Variants in PKP2 observed in about 807,000 individuals in gnomAD.
PKP2 encodes the protein plakophilin-2.
In PKP2, 73 loss-of-function variants were observed where a neutral mutation model predicts 83.4. That is an observed-to-expected ratio of 0.88 (90% confidence interval 0.72 to 1.06). The LOEUF is 1.06. Among genes scored for constraint, PKP2 ranks in the 50% least tolerant of loss-of-function variants. The probability of loss-of-function intolerance (pLI) is 0.00; values close to 1 mark genes in which losing one functional copy is unlikely to be tolerated. For synonymous variants in PKP2, 409 were observed against 430.4 expected, an observed-to-expected ratio of 0.95 and a Z score of 0.62; for missense variants, 966 against 1,065.4, an observed-to-expected ratio of 0.91 and a Z score of 1.30.
intron 6 of PKP2, among the ~76,000 whole-genome samples, chr12:32,838,096 C>T (rs1674964897): frequency 6.6e-6 from 1 of 152,138 alleles, no homozygotes; most frequent in Non-Finnish European, 1.5e-5. Context: ...CAATAGGGGA[C>T]TGGATAAGGA....
Position 32,879,040 on chromosome 12 carries a change from C to A in PKP2, c.224-8G>T, listed in dbSNP as rs1486692885. 6 of 1,373,356 alleles carry A rather than the reference C, an allele frequency of 4.4e-6. No individual in the cohort carries two copies. In the African/African-American group the frequency reaches 8.6e-5, roughly 20 times the overall value. 85.1% of individuals were successfully genotyped at this position (1,373,356 alleles called of 1,614,324 possible). On this transcript the variant is annotated splice_polypyrimidine_tract_variant and splice_region_variant and intron_variant, in intron 1 of 12. Coordinates refer to ENST00000340811, the MANE Select transcript of PKP2 (RefSeq NM_001005242.3). ...TGGTTCGGTGAAGATTTCCTGCAAT[C>A]AAGCAAATATTAAAATAACTCAGAA...
intron 3 of PKP2, among the ~76,000 whole-genome samples, chr12:32,873,771 C>A (rs960684391): frequency 6.6e-6 from 1 of 152,146 alleles, no homozygotes; most frequent in Non-Finnish European, 1.5e-5. Context: ...CTCAAGTGAT[C>A]CGCCCACCTC....
At chr12:32,890,090 A>AG (rs1285001068) in intron 1 of PKP2, among the ~76,000 whole-genome samples, 13 of 151,170 alleles carry the variant, frequency 8.6e-5, no homozygotes, top group Admixed American at 6.6e-5. Flanking sequence ...AAAAAAAAAA[A>AG]AAAAAAAGAA....
intron 6 of PKP2, among the ~76,000 whole-genome samples, chr12:32,836,132 T>C (rs1339337551): frequency 6.6e-6 from 1 of 152,230 alleles, no homozygotes; most frequent in East Asian, 1.9e-4. Flanking sequence ...GCTAGTGTAG[T>C]ATTACTTAAG....
At chr12:32,842,451 A>G (rs1342069694) in intron 5 of PKP2, among the ~76,000 whole-genome samples, 1 of 151,980 alleles carries the variant, frequency 6.6e-6, no homozygotes, top group African/African-American at 2.4e-5. Flanking sequence ...CATGTTGGCC[A>G]GGCTGGTCTC....
chr12:32,850,042 AG>A (rs1447778419), intron 5 of PKP2, among the ~76,000 whole-genome samples: 1 of 152,246 alleles, frequency 6.6e-6, no homozygotes. Context: ...TTCTTTAGAA[AG>A]AAAGAAACCA....
At chr12:32,881,978 G>A (rs1284647490) in intron 1 of PKP2, among the ~76,000 whole-genome samples, 2 of 152,194 alleles carry the variant, frequency 1.3e-5, no homozygotes, top group Non-Finnish European at 2.9e-5. Flanking sequence ...TAATCCTGAA[G>A]AGTCCGGGGG....
chr12:32,797,815 C>T (rs1258490171), intron 10 of PKP2, among the ~76,000 whole-genome samples: 2 of 151,756 alleles, frequency 1.3e-5, no homozygotes, highest in Non-Finnish European at 2.9e-5. Context: ...CTGGGCCTCC[C>T]AAAGTGCTGG....
At chr12:32,795,950 A>C (rs542942946) in intron 11 of PKP2, among the ~76,000 whole-genome samples, 159 bp downstream of exon 11, 15 of 152,268 alleles carry the variant, frequency 9.9e-5, no homozygotes, top group Non-Finnish European at 1.8e-4. Context: ...TCCTTGGCTG[A>C]TCACTGAGGG....
At chr12:32,840,865 G>T (rs551276500) in intron 6 of PKP2, among the ~76,000 whole-genome samples, 163 bp downstream of exon 6, 1 of 152,184 alleles carries the variant, frequency 6.6e-6, no homozygotes, top group East Asian at 1.9e-4. Flanking sequence ...GCAACAGAGC[G>T]AGACTCTGTT....
intron 5 of PKP2, among the ~76,000 whole-genome samples, chr12:32,848,467 T>C (rs1254100956): frequency 1.3e-5 from 2 of 152,190 alleles, no homozygotes; most frequent in African/African-American, 4.8e-5. Context: ...GTACCTCACA[T>C]AGTTTTATAA....
chr12:32,813,735 T>A (rs149409979), intron 9 of PKP2, among the ~76,000 whole-genome samples: 326 of 151,840 alleles, frequency 2.1e-3, no homozygotes, highest in African/African-American at 7.6e-3. Flanking sequence ...TGAGCCATGA[T>A]TATACCACTG....
At chr12:32,795,974 C>G in intron 11 of PKP2, 135 bp downstream of exon 11, 1 of 799,470 alleles carries the variant, frequency 1.3e-6, no homozygotes, top group South Asian at 1.4e-5. Context: ...ACCAGATGAT[C>G]TGGCCTGGCT....
chr12:32,825,357 C>T lies in PKP2; in HGVS notation c.1557-1195G>A, dbSNP rs552143603. On this transcript the variant is annotated intron_variant, in intron 6 of 12. Transcript: ENST00000340811. Reference sequence around the variant, plus strand: ...CTAATTTTTGTATTTTTAGTAGAGACGGGGTTTCACCATGTTGGTTGGCCA... The same window carrying T: ...CTAATTTTTGTATTTTTAGTAGAGATGGGGTTTCACCATGTTGGTTGGCCA... Among the ~76,000 whole-genome samples, 14 of 151,788 alleles carry T rather than the reference C, an allele frequency of 9.2e-5. No homozygotes were observed. In the South Asian group the frequency reaches 2.3e-3, roughly 25 times the overall value.
chr12:32,837,687 T>C (rs565441074), intron 6 of PKP2, among the ~76,000 whole-genome samples: 4 of 152,338 alleles, frequency 2.6e-5, no homozygotes, highest in Admixed American at 2.0e-4. Flanking sequence ...CTATATGTTC[T>C]GAAAAATGTG....
At chr12:32,844,155 G>A (rs931891827) in intron 5 of PKP2, among the ~76,000 whole-genome samples, 2 of 152,094 alleles carry the variant, frequency 1.3e-5, no homozygotes, top group Non-Finnish European at 2.9e-5. Context: ...GGAAGTTTCA[G>A]CATAATTTTA....
At chr12:32,866,421 T>C (rs1288785254) in intron 4 of PKP2, among the ~76,000 whole-genome samples, 1 of 151,406 alleles carries the variant, frequency 6.6e-6, no homozygotes, top group Non-Finnish European at 1.5e-5. Context: ...GGTGTGGTAG[T>C]GCACCGGTAG....
At chr12:32,806,776 A>G (rs1407849555) in intron 9 of PKP2, among the ~76,000 whole-genome samples, 1 of 151,098 alleles carries the variant, frequency 6.6e-6, no homozygotes, top group African/African-American at 2.4e-5. Context: ...CTGGTTTTCT[A>G]GTTCTTTTAG....
chr12:32,896,558 C>T lies in PKP2; in HGVS notation c.174G>A (p.Glu58=), dbSNP rs146708884. ...TCCGGGCGAGGGTCTGCTGCACCTG[C>T]TCCTGGATCCGCAGGCTCTTGACTG... ...GQTVKSLRIQ[E]QVQQTLARKG... Residue 58 remains glutamate, a synonymous_variant, in exon 1 of 13, where the codon GAG becomes GAA. Transcript: ENST00000340811. The T allele has an allele frequency of 6.3e-7, 1 of 1,589,252 alleles. No homozygotes were observed.
Sources: allele counts gnomAD v4.1 joint callset (sites outside exome capture counted in the v4.1 genomes callset), GRCh38; gene constraint gnomAD v4.1.1; transcripts MANE v1.5; gene names NCBI Gene and HGNC (gene_info 2026-07-23, HGNC 2026-07-21).